RBFOX3: variants seen among roughly 807,000 people sequenced by gnomAD.
The protein encoded by RBFOX3 is RNA binding fox-1 homolog 3, also known as RNA binding protein fox-1 homolog 3.
Under a neutral mutation model 48.7 loss-of-function variants are expected in RBFOX3, and 17 were observed. The ratio of observed to expected loss-of-function variants is 0.35; its 90% CI spans 0.24 to 0.52. The LOEUF is 0.52. RBFOX3 is among the 20% of genes least tolerant of loss of function. The probability of loss-of-function intolerance (pLI) is 0.94; values close to 1 mark genes in which losing one functional copy is unlikely to be tolerated. For missense variants in RBFOX3, 382 were observed against 497.5 expected (o/e 0.77, Z 2.21); for synonymous variants, 212 against 209.5 (o/e 1.01, Z -0.10).
At chr17:79,663,865 G>A in the RBFOX3 span, among the ~76,000 whole-genome samples, 28 of 152,302 alleles carry the variant, frequency 1.8e-4, no homozygotes, top group African/African-American at 5.8e-4. Flanking sequence ...TTGAATTTAC[G>A]TAGAACAATA....
Position 79,471,754 on chromosome 17 carries a change from G to C in RBFOX3, c.-175+10700C>G, listed in dbSNP as rs1477328171. On this transcript the variant is annotated intron_variant, in intron 2 of 14. Transcript: ENST00000693108. The surrounding 1 kb of genome is among the most constrained non-coding windows in gnomAD (Gnocchi z 4.0). Reference sequence around the variant, plus strand: ...ATGGCCAGGGCGTGTGCAGAGCCTGGGTGGACGCAGGCAGGTTAGCTATCC... The same window carrying C: ...ATGGCCAGGGCGTGTGCAGAGCCTGCGTGGACGCAGGCAGGTTAGCTATCC... 6.6e-6 allele frequency among the ~76,000 whole-genome samples: 1 copy of C among 152,124 alleles called. No homozygotes were observed. Among genetic ancestry groups the C allele is most frequent in the East Asian group, 1.9e-4 (1 of 5,194 alleles).
intron 1 of RBFOX3, chr17:79,603,936 G>T (rs386829729): frequency 0.011 from 1,652 of 152,468 alleles, 23 homozygotes; most frequent in East Asian, 0.057. Flanking sequence ...CCGGCCTCAG[G>T]CTGTCCCTGC....
At chr17:79,607,344 G>A (rs1443282424) in intron 1 of RBFOX3, among the ~76,000 whole-genome samples, 8 of 152,088 alleles carry the variant, frequency 5.3e-5, no homozygotes, top group African/African-American at 1.9e-4. Flanking sequence ...AAGCAGGAGC[G>A]TGGAAATAAA....
chr17:79,313,888 T>A (rs1462177754), intron 2 of RBFOX3, among the ~76,000 whole-genome samples: 1 of 152,184 alleles, frequency 6.6e-6, no homozygotes, highest in Admixed American at 6.5e-5. Context: ...GGAGCTACTG[T>A]GGGGCTGCAC....
chr17:79,463,361 G>A (rs1300471934), intron 2 of RBFOX3, among the ~76,000 whole-genome samples: 1 of 87,518 alleles, frequency 1.1e-5, no homozygotes, highest in East Asian at 3.3e-4. Flanking sequence ...CACCGCCATC[G>A]CCACCGCCAG....
chr17:79,653,493 T>C, the RBFOX3 span, among the ~76,000 whole-genome samples: 1 of 152,218 alleles, frequency 6.6e-6, no homozygotes, highest in Admixed American at 6.5e-5. Flanking sequence ...AAAACCTTAA[T>C]GTAGATTTAA....
At chr17:79,552,178 A>T (rs1324204038) in intron 1 of RBFOX3, among the ~76,000 whole-genome samples, 6 of 152,222 alleles carry the variant, frequency 3.9e-5, no homozygotes, top group Non-Finnish European at 7.3e-5. Context: ...TTAAATACAG[A>T]GAATATGGCA....
intron 2 of RBFOX3, among the ~76,000 whole-genome samples, chr17:79,372,209 C>T (rs1276108083): frequency 1.3e-5 from 2 of 152,068 alleles, no homozygotes; most frequent in African/African-American, 2.4e-5. Context: ...GCCCGCAGGA[C>T]TCTGTCAGCT....
intron 2 of RBFOX3, among the ~76,000 whole-genome samples, chr17:79,380,194 T>A (rs1277442007): frequency 6.6e-6 from 1 of 151,002 alleles, no homozygotes. Flanking sequence ...ATCCCCCCCT[T>A]GCCACCCCTC....
chr17:79,106,609 G>A (rs1462055600), intron 6 of RBFOX3, 42 bp downstream of exon 6: 1 of 1,414,852 alleles, frequency 7.1e-7, no homozygotes, highest in Non-Finnish European at 9.2e-7. Flanking sequence ...TGGAGCTGGG[G>A]CAGGTGTGGA....
rs559202304 is a variant in RBFOX3, at chr17:79,133,100, C to A, written c.-33-17352G>T. ...AAGGCCTCCTTCCCATCCAAGGAGACCTTCTGCCTCCAGGGAGGAGGGGGA... is the reference window on the plus strand; with the variant it reads ...AAGGCCTCCTTCCCATCCAAGGAGAACTTCTGCCTCCAGGGAGGAGGGGGA... On this transcript the variant is annotated intron_variant, in intron 4 of 14. Transcript: ENST00000693108. Among the ~76,000 whole-genome samples the A allele has an allele frequency of 4.6e-5, 7 of 152,288 alleles. No homozygotes were observed. The East Asian group carries it at 1.2e-3, about 25-fold the overall frequency.
intron 2 of RBFOX3, among the ~76,000 whole-genome samples, chr17:79,371,882 C>T (rs1314620526): frequency 1.3e-5 from 2 of 152,134 alleles, no homozygotes; most frequent in Admixed American, 1.3e-4. Context: ...CTGGCTGTCC[C>T]CGCAGAAAGC....
Position 79,199,236 on chromosome 17 carries a change from C to T in RBFOX3, c.-34+36530G>A, listed in dbSNP as rs920511625. Among the ~76,000 whole-genome samples, 1 of 152,156 alleles carries T rather than the reference C, an allele frequency of 6.6e-6. No homozygotes were observed. Among genetic ancestry groups the T allele is most frequent in the Admixed American group, 6.5e-5 (1 of 15,272 alleles). On this transcript the variant is annotated intron_variant, in intron 4 of 14. Transcript: ENST00000693108. The surrounding 1 kb of genome is among the most constrained non-coding windows in gnomAD (Gnocchi z 5.1). Reference sequence around the variant, plus strand: ...GAATGTAAAGGGCCTTTCGAAAAGACCTCCCTAGCCCCCCACCCTCGGCAG... The same window carrying T: ...GAATGTAAAGGGCCTTTCGAAAAGATCTCCCTAGCCCCCCACCCTCGGCAG...
intron 1 of RBFOX3, among the ~76,000 whole-genome samples, chr17:79,602,668 T>C (rs2093732310): frequency 6.6e-6 from 1 of 152,198 alleles, no homozygotes; most frequent in Admixed American, 6.5e-5. Context: ...CACTTTGTTT[T>C]TTTTTTCTAA....
intron 2 of RBFOX3, among the ~76,000 whole-genome samples, chr17:79,459,338 C>T (rs77767425): frequency 0.14 from 21,624 of 152,112 alleles, 1,862 homozygotes; most frequent in Middle Eastern, 0.22. Context: ...AGGGCAGGGG[C>T]GGATGTGCAG....
chr17:79,441,045 G>T (rs1007059891), intron 2 of RBFOX3, among the ~76,000 whole-genome samples: 1 of 152,266 alleles, frequency 6.6e-6, no homozygotes, highest in Non-Finnish European at 1.5e-5. Flanking sequence ...ACACCTGGGG[G>T]TGCAGGGAGA....
At chr17:79,147,983 C>A (rs2043401300) in intron 4 of RBFOX3, among the ~76,000 whole-genome samples, 1 of 152,244 alleles carries the variant, frequency 6.6e-6, no homozygotes, top group Non-Finnish European at 1.5e-5. Context: ...AAATGCTGCA[C>A]CATCCATCCA....
chr17:79,417,666 C>T (rs74567209), intron 2 of RBFOX3, among the ~76,000 whole-genome samples: 1 of 152,210 alleles, frequency 6.6e-6, no homozygotes, highest in East Asian at 1.9e-4. Context: ...GAAGGTTTGG[C>T]GGTTCCTTAA....
chr17:79,100,325 C>T (rs1166494415), intron 9 of RBFOX3: 1 of 152,218 alleles, frequency 6.6e-6, no homozygotes, highest in Admixed American at 6.5e-5. Context: ...TGCCAGATCA[C>T]AGAAGAGTCA....
Sources: gnomAD v4.1 joint callset for allele counts (sites outside exome capture counted in the v4.1 genomes callset) on GRCh38, gnomAD v4.1.1 for gene constraint, Gnocchi (gnomAD v3.1) non-coding constraint, MANE v1.5 for transcripts, NCBI Gene and HGNC (gene_info 2026-07-23, HGNC 2026-07-21) for gene names.